Variants in GRIK2 observed in about 807,000 individuals in gnomAD.
GRIK2 encodes the protein glutamate ionotropic receptor kainate type subunit 2.
GRIK2 carries 32 observed loss-of-function variants against 100.3 expected under a neutral mutation model. The observed-to-expected ratio is 0.32, with a 90% CI of 0.24 to 0.43. The LOEUF is 0.43. Among genes scored for constraint, GRIK2 ranks in the 20% least tolerant of loss-of-function variants. The pLI is 1.00. For synonymous variants in GRIK2, 417 were observed against 389.4 expected, an observed-to-expected ratio of 1.07 and a Z score of -0.83; for missense variants, 843 against 1,114.9, an observed-to-expected ratio of 0.76 and a Z score of 3.47.
At chr6:101,641,762 T>C (rs13194725) in intron 4 of GRIK2, among the ~76,000 whole-genome samples, 1 of 151,942 alleles carries the variant, frequency 6.6e-6, no homozygotes, top group Admixed American at 6.6e-5. Flanking sequence ...GAAAAAGGAT[T>C]CCGTGTGCTT....
chr6:101,484,000 T>C (rs888703547), intron 2 of GRIK2, among the ~76,000 whole-genome samples: 4 of 152,242 alleles, frequency 2.6e-5, no homozygotes, highest in African/African-American at 9.6e-5. Context: ...AGTTAGAGTG[T>C]TGTATAGACT....
rs10214490 is a variant in GRIK2 at position 101,522,538 on chromosome 6, C to T, written c.116-99411C>T. Among the ~76,000 whole-genome samples, 861 of 152,070 alleles carry T rather than the reference C, an allele frequency of 5.7e-3. 7 individuals are homozygous for T. Among genetic ancestry groups the T allele is most frequent in the African/African-American group, 0.02 (823 of 41,474 alleles). ...AACATGTAACCCTTCAATAGCTGCACAGAGAAAGACAGCATGAAAAATCAT... is the reference window on the plus strand; with the variant it reads ...AACATGTAACCCTTCAATAGCTGCATAGAGAAAGACAGCATGAAAAATCAT... On this transcript the variant is annotated intron_variant, in intron 2 of 16. Transcript: ENST00000369134.
chr6:101,541,409 C>A lies in GRIK2; in HGVS notation c.116-80540C>A, dbSNP rs867180875. On this transcript the variant is annotated intron_variant, in intron 2 of 16. Coordinates refer to ENST00000369134, the MANE Select transcript of GRIK2 (RefSeq NM_021956.5). ...ACACACACACACACACACACACACA[C>A]ACACACACATACACACACACTACAC... is the stretch of plus-strand genomic sequence containing the variant. Among the ~76,000 whole-genome samples, 9 of 114,742 alleles carry A rather than the reference C, an allele frequency of 7.8e-5. No homozygotes were observed. The East Asian group carries it at 1.3e-3, about 17-fold the overall frequency. 75.3% of individuals were successfully genotyped at this position (114,742 alleles called of 152,430 possible). A position where few individuals can be genotyped will look rare whatever the true frequency, so the allele number is the denominator to read the frequency against.
Position 101,399,029 on chromosome 6 carries a change from C to T in GRIK2, c.-249C>T, listed in dbSNP as rs1421635659. The T allele has an allele frequency of 6.7e-6, 3 of 447,740 alleles. No homozygotes were observed. Among genetic ancestry groups the T allele is most frequent in the Non-Finnish European group, 1.2e-5 (3 of 253,690 alleles). The allele number at this position is 447,740 out of a possible 1,614,324, so 27.7% of individuals were successfully genotyped here. On this transcript the variant is annotated 5_prime_UTR_variant, in exon 2 of 17. Transcript: ENST00000369134. ...GTGGGTGTGCGTGCTGGATTTCTCC[C>T]GGATGCTCTCCGACTAACATGGATG...
At chr6:101,459,829 G>A (rs1485676450) in intron 2 of GRIK2, among the ~76,000 whole-genome samples, 1 of 151,348 alleles carries the variant, frequency 6.6e-6, no homozygotes, top group African/African-American at 2.4e-5. Flanking sequence ...AGGCTGGAGT[G>A]CAATGGCACT....
At chr6:102,016,504 A>C (rs1013246689) in intron 14 of GRIK2, among the ~76,000 whole-genome samples, 1 of 151,690 alleles carries the variant, frequency 6.6e-6, no homozygotes. Flanking sequence ...CATTGTGCAC[A>C]TGTACCCTAA....
At chr6:101,743,360 A>G (rs1463461360) in intron 7 of GRIK2, among the ~76,000 whole-genome samples, 1 of 152,240 alleles carries the variant, frequency 6.6e-6, no homozygotes, top group Non-Finnish European at 1.5e-5. Context: ...AGCAGCTAAA[A>G]GCAAGCCAGA....
rs1789592058 is a variant in GRIK2, at chr6:101,922,141, C to CTCCCTCCCTTCCT, written c.1749-2455_1749-2454insCCCTTCCTTCCCT. Among the ~76,000 whole-genome samples the CTCCCTCCCTTCCT allele has an allele frequency of 1.2e-4, 7 of 56,454 alleles. 1 individual carries two copies. The highest frequency in any genetic ancestry group is 4.3e-4 in the Admixed American group (2 of 4,614). 37.0% of individuals were successfully genotyped at this position (56,454 alleles called of 152,430 possible). A position where few individuals can be genotyped will look rare whatever the true frequency, so the allele number is the denominator to read the frequency against. ...CTTCCTTCCTTCCTTCCTTCCTTCC[C>CTCCCTCCCTTCCT]TCCCTTCCTCCCTCACTCCTTCCTT... is the stretch of plus-strand genomic sequence containing the variant. On this transcript the variant is annotated intron_variant, in intron 12 of 16. Transcript: ENST00000369134.
At chr6:101,771,924 C>A (rs988961396) in intron 7 of GRIK2, among the ~76,000 whole-genome samples, 5 of 151,872 alleles carry the variant, frequency 3.3e-5, no homozygotes, top group African/African-American at 9.7e-5. Context: ...TTCTTAATCC[C>A]GTCTATCATT....
intron 2 of GRIK2, among the ~76,000 whole-genome samples, chr6:101,407,410 A>G (rs1012441278): frequency 6.6e-6 from 1 of 152,094 alleles, no homozygotes; most frequent in Non-Finnish European, 1.5e-5. Flanking sequence ...ATACCAAAAC[A>G]TGATTACCCT....
At chr6:102,011,684 C>T (rs1428754042) in intron 14 of GRIK2, among the ~76,000 whole-genome samples, 1 of 144,074 alleles carries the variant, frequency 6.9e-6, no homozygotes, top group African/African-American at 2.6e-5. Flanking sequence ...CCTGGGTTCA[C>T]GCCATTCTCC....
chr6:102,065,842 T>C (rs1018887753), intron 16 of GRIK2: 3 of 1,498,132 alleles, frequency 2.0e-6, no homozygotes, highest in African/African-American at 2.9e-5. Context: ...CCTCCCTATT[T>C]TGGAGTCAGT....
At chr6:101,787,229 A>G (rs1779485532) in intron 7 of GRIK2, among the ~76,000 whole-genome samples, 1 of 151,072 alleles carries the variant, frequency 6.6e-6, no homozygotes, top group African/African-American at 2.4e-5. Context: ...TAGTTTAACT[A>G]GAAGTTTGTC....
Position 101,507,992 on chromosome 6 carries a change from T to C in GRIK2, c.115+108600T>C, listed in dbSNP as rs182591490. Among the ~76,000 whole-genome samples the C allele has an allele frequency of 1.2e-3, 186 of 152,268 alleles. 1 individual carries two copies. Among genetic ancestry groups the C allele is most frequent in the Middle Eastern group, 6.8e-3 (2 of 294 alleles). ...ACAATAATTTTCTGCCTGTTTGTCA[T>C]TGTATATGCTTTAAAAGAAAGTAAT... On this transcript the variant is annotated intron_variant, in intron 2 of 16. Transcript: ENST00000369134.
At chr6:102,020,154 A>C (rs1312875623) in intron 14 of GRIK2, among the ~76,000 whole-genome samples, 1 of 151,902 alleles carries the variant, frequency 6.6e-6, no homozygotes, top group Non-Finnish European at 1.5e-5. Context: ...TATGATTGCT[A>C]AGAAAACTCT....
At position 101,505,080 on chromosome 6, in the gene GRIK2, T is replaced by C. The variant is rs12181449; in HGVS notation, c.115+105688T>C. 2.9e-3 allele frequency among the ~76,000 whole-genome samples: 440 copies of C among 152,202 alleles called. 3 individuals carry two copies. Among genetic ancestry groups the C allele is most frequent in the African/African-American group, 0.01 (429 of 41,568 alleles). Reference sequence around the variant, plus strand: ...TTTTTGTTTTTTTTTTTGTCGTTTTTTTACTTGTCATTAAGTTTAAAAATT... The same window carrying C: ...TTTTTGTTTTTTTTTTTGTCGTTTTCTTACTTGTCATTAAGTTTAAAAATT... On this transcript the variant is annotated intron_variant, in intron 2 of 16. Coordinates refer to ENST00000369134, the MANE Select transcript of GRIK2 (RefSeq NM_021956.5).
chr6:101,416,692 A>G (rs1034405757), intron 2 of GRIK2, among the ~76,000 whole-genome samples: 5 of 152,182 alleles, frequency 3.3e-5, no homozygotes, highest in Non-Finnish European at 7.3e-5. Flanking sequence ...GATATTCTTT[A>G]TAATAGTGGA....
At chr6:101,881,008 A>T (rs1387301898) in intron 11 of GRIK2, among the ~76,000 whole-genome samples, 2 of 151,884 alleles carry the variant, frequency 1.3e-5, no homozygotes, top group Admixed American at 1.3e-4. Context: ...TTAGTAGTTT[A>T]TTTTCAGAAA....
At chr6:101,669,357 TTTTA>T (rs758948747) in intron 4 of GRIK2, among the ~76,000 whole-genome samples, 6 of 152,102 alleles carry the variant, frequency 3.9e-5, no homozygotes, top group Non-Finnish European at 7.4e-5. Flanking sequence ...AATTTTGCCT[TTTTA>T]TTTCATCAAA....
Sources: allele counts gnomAD v4.1 joint callset (sites outside exome capture counted in the v4.1 genomes callset), GRCh38; gene constraint gnomAD v4.1.1; transcripts MANE v1.5; gene names NCBI Gene and HGNC (gene_info 2026-07-23, HGNC 2026-07-21).